Variants in ENPP2 observed in about 807,000 individuals in gnomAD.
ENPP2 encodes the protein ectonucleotide pyrophosphatase/phosphodiesterase 2.
In ENPP2, 51 loss-of-function variants were observed where a neutral mutation model predicts 120.2. The ratio of observed to expected loss-of-function variants is 0.42; its 90% confidence interval spans 0.34 to 0.54. The LOEUF (loss-of-function observed/expected upper bound fraction) is 0.54. Among genes scored for constraint, ENPP2 ranks in the 20% least tolerant of loss-of-function variants. The probability of loss-of-function intolerance (pLI) is 0.04; values close to 1 mark genes in which losing one functional copy is unlikely to be tolerated. For missense variants in ENPP2, 920 were observed against 1,066.5 expected (o/e 0.86, Z 1.91); for synonymous variants, 365 against 366.4 (o/e 1.00, Z 0.04).
At chr8:119,639,913 G>A (rs1193976076), upstream of ENPP2, among the ~76,000 whole-genome samples, 1 of 152,122 alleles carries the variant, frequency 6.6e-6, no homozygotes, top group East Asian at 1.9e-4. Context: ...ATTCAAATGA[G>A]GGAAAAAGAT....
chr8:119,581,829 G>A (rs900757695), intron 18 of ENPP2, among the ~76,000 whole-genome samples: 8 of 147,600 alleles, frequency 5.4e-5, no homozygotes, highest in African/African-American at 2.0e-4. Flanking sequence ...ACACAATCCC[G>A]GCTCACTGCA....
chr8:119,632,798 G>A (rs1021811050), intron 2 of ENPP2, among the ~76,000 whole-genome samples: 9 of 152,174 alleles, frequency 5.9e-5, no homozygotes, highest in South Asian at 2.1e-4. Context: ...GGCCGGGCAC[G>A]GTGGCTCACG....
intron 1 of ENPP2, among the ~76,000 whole-genome samples, chr8:119,668,720 C>A (rs1287273342): frequency 6.6e-6 from 1 of 152,140 alleles, no homozygotes; most frequent in Non-Finnish European, 1.5e-5. Context: ...AGCCACTGCA[C>A]CCAGCCTCTA....
Position 119,638,541 on chromosome 8 carries a change from G to A in ENPP2, c.34-14C>T, listed in dbSNP as rs145118871. 2.7e-3 allele frequency: 3,949 copies of A among 1,465,074 alleles called. 12 individuals are homozygous for A. The highest frequency in any genetic ancestry group is 2.8e-3 in the Non-Finnish European group (2,942 of 1,043,972). The allele number at this position is 1,465,074 out of a possible 1,614,324, so 90.8% of individuals were successfully genotyped here. On this transcript the variant is annotated splice_polypyrimidine_tract_variant and intron_variant, in intron 1 of 24. Transcript: ENST00000075322. Reference sequence around the variant, plus strand: ...CAGGGATATTATCTAAGAGAATAAAGAGACCAAGTTGTCAAATACAGCTGG... The same window carrying A: ...CAGGGATATTATCTAAGAGAATAAAAAGACCAAGTTGTCAAATACAGCTGG...
intron 1 of ENPP2, among the ~76,000 whole-genome samples, chr8:119,658,359 C>A (rs907345232): frequency 6.6e-6 from 1 of 152,220 alleles, no homozygotes; most frequent in East Asian, 1.9e-4. Flanking sequence ...CAGCCTCAAA[C>A]TCCTGGGCTC....
chr8:119,653,133 G>T (rs1266621245), intron 1 of ENPP2, among the ~76,000 whole-genome samples: 1 of 152,154 alleles, frequency 6.6e-6, no homozygotes, highest in African/African-American at 2.4e-5. Flanking sequence ...GTTCACCTCT[G>T]GATAGCTCGT....
chr8:119,617,362 C>T lies in ENPP2; in HGVS notation c.577+104G>A, dbSNP rs1587490969. On this transcript the variant is annotated intron_variant, in intron 6 of 24. Transcript: ENST00000075322. ...CACTTCTGTATTTCAAATAATAAAA[C>T]ACATTTAAAACTACGTGCCCATAGA... 4.3e-6 allele frequency: 5 copies of T among 1,151,984 alleles called. No individual in the cohort carries two copies. The East Asian group carries it at 1.2e-4, about 29-fold the overall frequency. The allele number at this position is 1,151,984 out of a possible 1,614,324, so 71.4% of individuals were successfully genotyped here. A position where few individuals can be genotyped will look rare whatever the true frequency, so the allele number is the denominator to read the frequency against.
intron 1 of ENPP2, among the ~76,000 whole-genome samples, chr8:119,644,601 TATATATATATATATATATATATATAC>T (rs1473236590): frequency 7.6e-5 from 7 of 91,672 alleles, no homozygotes; most frequent in South Asian, 4.0e-4. Context: ...TATATATATA[TATATATATATATATATATATATATAC>T]ACACACACAC....
intron 12 of ENPP2, chr8:119,592,968 C>T: frequency 2.0e-6 from 2 of 983,082 alleles, no homozygotes; most frequent in Non-Finnish European, 2.4e-6. Flanking sequence ...TTTTCATCCT[C>T]CGAACTCCAC....
chr8:119,638,784 G>T lies in ENPP2; in HGVS notation c.-4C>A. The T allele has an allele frequency of 6.2e-7, 1 of 1,612,406 alleles. No individual in the cohort carries two copies. Among genetic ancestry groups the T allele is most frequent in the Non-Finnish European group, 8.5e-7 (1 of 1,178,418 alleles). ...GGAACGAGCTCCTCCTTGCCATGTCGAGGATTCTTGGAAAGCCTTTTGCAG... is the reference window on the plus strand; with the variant it reads ...GGAACGAGCTCCTCCTTGCCATGTCTAGGATTCTTGGAAAGCCTTTTGCAG... On this transcript the variant is annotated 5_prime_UTR_variant, in exon 1 of 25. Coordinates refer to ENST00000075322, the MANE Select transcript of ENPP2 (RefSeq NM_001040092.3).
chr8:119,589,849 A>G (rs1813378115), intron 13 of ENPP2, among the ~76,000 whole-genome samples: 1 of 152,206 alleles, frequency 6.6e-6, no homozygotes, highest in African/African-American at 2.4e-5. Flanking sequence ...GGTAGACAGC[A>G]CCTAAAAATC....
Position 119,617,481 on chromosome 8 carries a change from T to C in ENPP2, c.562A>G (p.Asn188Asp). The change falls in exon 6 of 25, where the codon AAT becomes GAT. Residue 188 changes from asparagine (N) to aspartate (D), a missense_variant. Asn to Asp is a conservative substitution (Grantham distance 23, BLOSUM62 1). Transcript: ENST00000075322. ...YMKKGSKVMP[N>D]IEKLRSCGTH... Reference sequence around the variant, plus strand: ...AATTACTTACTTAGTTTTTCAATATTAGGCATGACTTTGCTGCCTTTCTTC... The same window carrying C: ...AATTACTTACTTAGTTTTTCAATATCAGGCATGACTTTGCTGCCTTTCTTC... The C allele has an allele frequency of 6.2e-7, 1 of 1,608,874 alleles. No homozygotes were observed. The highest frequency in any genetic ancestry group is 8.5e-7 in the Non-Finnish European group (1 of 1,175,580).
chr8:119,565,053 A>C, intron 22 of ENPP2, 98 bp from the exon 23 acceptor site: 36 of 979,814 alleles, frequency 3.7e-5, no homozygotes, highest in Non-Finnish European at 5.2e-5. Context: ...GCCAAATCTC[A>C]CAAGCCAAGA....
chr8:119,618,998 T>G (rs1372238458), intron 5 of ENPP2, among the ~76,000 whole-genome samples: 1 of 152,114 alleles, frequency 6.6e-6, no homozygotes, highest in East Asian at 1.9e-4. Flanking sequence ...TGAGGTGGAA[T>G]ATAGGGGATG....
In ENPP2 at chr8:119,616,336, G is replaced by T. The variant is rs1204868038; in HGVS notation, c.706C>A (p.Pro236Thr). 6.2e-7 allele frequency: 1 copy of T among 1,607,556 alleles called. No individual in the cohort carries two copies. The highest frequency in any genetic ancestry group is 8.5e-7 in the Non-Finnish European group (1 of 1,175,110). ...HGIVGNSMYD[P>T]VFDATFHLRG... is the part of the protein sequence containing the mutation. ...AGATGAAAAGTGGCATCAAATACAG[G>T]ATCATACATTGAATTGCCAACAATT... is the stretch of plus-strand genomic sequence containing the variant. Residue 236 changes from proline to threonine, a missense_variant, in exon 8 of 25, where the codon CCT becomes ACT. Physicochemically the swap from Pro to Thr is conservative, Grantham distance 38 (BLOSUM62 -1). Transcript: ENST00000075322.
intron 11 of ENPP2, 72 bp downstream of exon 11, chr8:119,600,606 C>A: frequency 1.1e-6 from 1 of 920,680 alleles, no homozygotes; most frequent in Non-Finnish European, 1.8e-6. Flanking sequence ...TTATACAATT[C>A]CTGAAATAAA....
intron 23 of ENPP2, 121 bp downstream of exon 23, chr8:119,564,702 T>A (rs1055698788): frequency 6.4e-5 from 30 of 466,652 alleles, no homozygotes; most frequent in East Asian, 1.3e-4. Context: ...ATATATATAT[T>A]GAAAAATTCA....
chr8:119,671,217 C>T (rs1818237337), intron 1 of ENPP2, among the ~76,000 whole-genome samples: 1 of 151,620 alleles, frequency 6.6e-6, no homozygotes, highest in South Asian at 2.1e-4. Flanking sequence ...AGGAGAATTG[C>T]TTGAACCCGG....
intron 12 of ENPP2, among the ~76,000 whole-genome samples, chr8:119,591,594 C>T (rs1192337384): frequency 1.3e-5 from 2 of 152,016 alleles, no homozygotes; most frequent in African/African-American, 2.4e-5. Context: ...GGAGAATACT[C>T]ATATATTTAT....
Sources: gnomAD v4.1 joint callset for allele counts (sites outside exome capture counted in the v4.1 genomes callset) on GRCh38, gnomAD v4.1.1 for gene constraint, MANE v1.5 for transcripts, NCBI Gene and HGNC (gene_info 2026-07-23, HGNC 2026-07-21) for gene names.